The following DCDC1 variants were observed in gnomAD, a reference collection of about 807,000 sequenced individuals.
The protein encoded by DCDC1 is doublecortin domain containing 1.
DCDC1 carries 200 observed loss-of-function variants against 178.3 expected under a neutral mutation model. The observed-to-expected ratio is 1.12, with a 90% CI of 1.00 to 1.26. DCDC1 has a LOEUF of 1.26. DCDC1 is among the 50% of genes most tolerant of loss of function. The probability of loss-of-function intolerance (pLI) is 0.00; values close to 1 mark genes in which losing one functional copy is unlikely to be tolerated. For missense variants in DCDC1, 1,983 were observed against 1,749.2 expected (o/e 1.13, Z -2.38); for synonymous variants, 690 against 604.8 (o/e 1.14, Z -2.07).
intron 3 of DCDC1, among the ~76,000 whole-genome samples, chr11:31,326,341 C>A (rs1014872711): frequency 6.6e-6 from 1 of 150,932 alleles, no homozygotes; most frequent in African/African-American, 2.4e-5. Context: ...AGGAACAGAG[C>A]GAATAAGTGA....
chr11:31,234,035 C>T lies in DCDC1; in HGVS notation c.1221+7415G>A, dbSNP rs11031328. 7.9e-5 allele frequency among the ~76,000 whole-genome samples: 12 copies of T among 152,270 alleles called. No individual in the cohort carries two copies. In the East Asian group the frequency reaches 1.9e-3, roughly 24 times the overall value. On this transcript the variant is annotated intron_variant, in intron 9 of 38. Coordinates refer to ENST00000684477, the MANE Select transcript of DCDC1 (RefSeq NM_001387274.1). ...ACCTGTGGTTTGCCAAGGCTGAAGC[C>T]CTTTCCAGCACCTTTTATTTATGCT...
chr11:30,899,889 TA>T (rs1490130366), intron 33 of DCDC1, among the ~76,000 whole-genome samples: 1 of 152,144 alleles, frequency 6.6e-6, no homozygotes, highest in Non-Finnish European at 1.5e-5. Context: ...GCAATAGCCA[TA>T]TTTCATTTTC....
chr11:31,133,543 T>C (rs142572424), intron 10 of DCDC1, among the ~76,000 whole-genome samples: 3 of 152,174 alleles, frequency 2.0e-5, no homozygotes, highest in Non-Finnish European at 4.4e-5. Context: ...CCCTAATTTG[T>C]TGAATGAAGA....
At chr11:31,083,528 G>A (rs558999941) in intron 17 of DCDC1, among the ~76,000 whole-genome samples, 2 of 152,162 alleles carry the variant, frequency 1.3e-5, no homozygotes, top group Non-Finnish European at 2.9e-5. Context: ...ACTGGAGGAT[G>A]TATGTTCCAT....
chr11:31,032,093 A>G (rs1953688687), intron 20 of DCDC1, among the ~76,000 whole-genome samples: 1 of 152,160 alleles, frequency 6.6e-6, no homozygotes, highest in South Asian at 2.1e-4. Context: ...TTGGAGGCTG[A>G]TAAGTGGGGC....
At position 30,909,169 on chromosome 11, in the gene DCDC1, T is replaced by C. The variant is rs905909305; in HGVS notation, c.3748-53A>G. ...AAGTGAGTTCATGTGAGGGTTATAG[T>C]GTCTTGTTTTTCATTGCATATATCC... On this transcript the variant is annotated intron_variant, in intron 28 of 38. Transcript: ENST00000684477. 30 of 1,470,902 alleles carry C rather than the reference T, an allele frequency of 2.0e-5. No homozygotes were observed. In the East Asian group the frequency reaches 6.8e-4, roughly 33 times the overall value. The allele number at this position is 1,470,902 out of a possible 1,614,324, so 91.1% of individuals were successfully genotyped here. A position where few individuals can be genotyped will look rare whatever the true frequency, so the allele number is the denominator to read the frequency against.
intron 20 of DCDC1, among the ~76,000 whole-genome samples, chr11:31,037,429 TTTC>T (rs202038298): frequency 0.11 from 5,922 of 53,696 alleles, 180 homozygotes; most frequent in Middle Eastern, 0.18. Context: ...TAAATATTTC[TTTC>T]TTTTTTTTTT....
chr11:31,077,053 C>G (rs1457327314), intron 18 of DCDC1, among the ~76,000 whole-genome samples: 1 of 152,132 alleles, frequency 6.6e-6, no homozygotes, highest in Non-Finnish European at 1.5e-5. Context: ...TCTCTACACA[C>G]TGGTTTGCTT....
chr11:31,312,109 T>C (rs542003799), intron 3 of DCDC1, among the ~76,000 whole-genome samples: 1 of 151,818 alleles, frequency 6.6e-6, no homozygotes, highest in Admixed American at 6.6e-5. Flanking sequence ...CCCTAAGGAG[T>C]CTTCTCTCAA....
At chr11:31,263,040 C>G (rs1944897428) in intron 8 of DCDC1, 1 of 1,612,294 alleles carries the variant, frequency 6.2e-7, no homozygotes, top group Non-Finnish European at 8.5e-7. Context: ...CCTCTGGCAT[C>G]CATGAAGTAT....
chr11:31,234,029 T>C (rs957078133), intron 9 of DCDC1, among the ~76,000 whole-genome samples: 5 of 152,224 alleles, frequency 3.3e-5, no homozygotes, highest in Non-Finnish European at 7.3e-5. Context: ...TTGCCAAGGC[T>C]GAAGCCCTTT....
At chr11:31,067,403 A>C (rs967832170) in intron 18 of DCDC1, among the ~76,000 whole-genome samples, 2 of 152,182 alleles carry the variant, frequency 1.3e-5, no homozygotes, top group Non-Finnish European at 2.9e-5. Flanking sequence ...TTTACCCACT[A>C]GGATGACAAA....
intron 11 of DCDC1, among the ~76,000 whole-genome samples, chr11:31,114,656 A>C (rs1309531370): frequency 6.6e-6 from 1 of 152,200 alleles, no homozygotes; most frequent in African/African-American, 2.4e-5. Flanking sequence ...AGTATGTTCC[A>C]GGAACTGTAA....
At chr11:30,923,104 G>A (rs560350743) in intron 23 of DCDC1, among the ~76,000 whole-genome samples, 67 of 152,118 alleles carry the variant, frequency 4.4e-4, no homozygotes, top group African/African-American at 1.1e-3. Flanking sequence ...AGAGATTGGC[G>A]AACTATCCCT....
At chr11:30,979,829 G>A (rs150835328) in intron 20 of DCDC1, among the ~76,000 whole-genome samples, 94 of 152,232 alleles carry the variant, frequency 6.2e-4, no homozygotes, top group African/African-American at 2.2e-3. Flanking sequence ...ATAAATATTC[G>A]TTGAGTAAAA....
intron 9 of DCDC1, among the ~76,000 whole-genome samples, chr11:31,141,180 C>A (rs958400805): frequency 3.3e-5 from 5 of 152,140 alleles, no homozygotes; most frequent in African/African-American, 1.2e-4. Flanking sequence ...AAAAATAATA[C>A]AGATTGTGTA....
intron 3 of DCDC1, among the ~76,000 whole-genome samples, chr11:31,308,199 C>T (rs571723469): frequency 6.6e-6 from 1 of 152,302 alleles, no homozygotes; most frequent in East Asian, 1.9e-4. Context: ...ATAAAATCCA[C>T]ATTCATAACC....
At chr11:30,996,300 A>T (rs1951265508) in intron 20 of DCDC1, among the ~76,000 whole-genome samples, 2 of 152,218 alleles carry the variant, frequency 1.3e-5, no homozygotes, top group Admixed American at 6.5e-5. Flanking sequence ...AGGGCTATAG[A>T]GGATGCAGAG....
intron 20 of DCDC1, among the ~76,000 whole-genome samples, chr11:30,980,355 C>T (rs1482481145): frequency 6.6e-6 from 1 of 152,136 alleles, no homozygotes; most frequent in South Asian, 2.1e-4. Context: ...CACTTCTAGA[C>T]CATTCTCTGA....
Sources: allele counts gnomAD v4.1 joint callset (sites outside exome capture counted in the v4.1 genomes callset), GRCh38; gene constraint gnomAD v4.1.1; transcripts MANE v1.5; gene names NCBI Gene and HGNC (gene_info 2026-07-23, HGNC 2026-07-21).